GPC5: variants seen among roughly 807,000 people sequenced by gnomAD.
GPC5 encodes glypican 5, also known as glypican-5.
Under a neutral mutation model 53.9 loss-of-function variants are expected in GPC5, and 47 were observed. That is an observed-to-expected ratio of 0.87 (90% CI 0.69 to 1.11). GPC5 has a LOEUF of 1.11. Among genes scored for constraint, GPC5 ranks in the 50% most tolerant of loss-of-function variants. GPC5 has a pLI of 0.00. For missense variants in GPC5, 748 were observed against 713.1 expected (o/e 1.05, Z -0.56); for synonymous variants, 286 against 263.3 (o/e 1.09, Z -0.84).
At chr13:92,351,508 G>C (rs916636055) in intron 7 of GPC5, among the ~76,000 whole-genome samples, 1 of 151,658 alleles carries the variant, frequency 6.6e-6, no homozygotes, top group Non-Finnish European at 1.5e-5. Context: ...CCCTACCTCA[G>C]GCAATACCAA....
intron 7 of GPC5, among the ~76,000 whole-genome samples, chr13:92,277,339 T>C (rs2042883224): frequency 1.3e-5 from 2 of 152,026 alleles, no homozygotes; most frequent in Admixed American, 1.3e-4. Flanking sequence ...GGCCATATTC[T>C]TCGTTTTATG....
intron 7 of GPC5, among the ~76,000 whole-genome samples, chr13:92,526,599 G>A (rs1392616943): frequency 6.6e-6 from 1 of 151,904 alleles, no homozygotes; most frequent in Non-Finnish European, 1.5e-5. Context: ...TTTTAAAGAA[G>A]AAATGCAGAT....
In GPC5 at chr13:92,110,167, C is replaced by T. The variant is rs1024800186; in HGVS notation, c.1402-34663C>T. On this transcript the variant is annotated intron_variant, in intron 6 of 7. Transcript: ENST00000377067. ...ATGAGATTTGAAGAATAGGGAAAAA[C>T]ACAGGATTGGCTCTATCTTACATTC... is the stretch of plus-strand genomic sequence containing the variant. Among the ~76,000 whole-genome samples, 4 of 152,092 alleles carry T rather than the reference C, an allele frequency of 2.6e-5. No individual in the cohort carries two copies. In the South Asian group the frequency reaches 8.3e-4, roughly 32 times the overall value.
chr13:92,496,791 A>T (rs1879996570), intron 7 of GPC5, among the ~76,000 whole-genome samples: 1 of 152,188 alleles, frequency 6.6e-6, no homozygotes, highest in Non-Finnish European at 1.5e-5. Context: ...CATGCATTCT[A>T]GAGAAGAGGC....
chr13:92,121,437 C>T (rs1244089924), intron 6 of GPC5, among the ~76,000 whole-genome samples: 3 of 152,136 alleles, frequency 2.0e-5, no homozygotes, highest in Admixed American at 6.5e-5. Flanking sequence ...TATGTCTCAC[C>T]GAGCCTCTTC....
At chr13:92,743,191 A>C (rs944040155) in intron 7 of GPC5, among the ~76,000 whole-genome samples, 4 of 151,868 alleles carry the variant, frequency 2.6e-5, no homozygotes, top group Non-Finnish European at 4.4e-5. Flanking sequence ...GGCCATTTTC[A>C]CGATATTGAT....
intron 7 of GPC5, among the ~76,000 whole-genome samples, chr13:92,224,042 C>A (rs1168492728): frequency 6.6e-6 from 1 of 151,828 alleles, no homozygotes; most frequent in East Asian, 1.9e-4. Flanking sequence ...CCTGTTTTAA[C>A]AACACTATAA....
chr13:91,427,577 G>A (rs533451218), intron 1 of GPC5, among the ~76,000 whole-genome samples: 1 of 152,150 alleles, frequency 6.6e-6, no homozygotes, highest in Non-Finnish European at 1.5e-5. Context: ...ACTTGTTTTT[G>A]ATTTTACAGG....
chr13:92,683,179 G>C (rs572649943), intron 7 of GPC5, among the ~76,000 whole-genome samples: 2 of 152,036 alleles, frequency 1.3e-5, no homozygotes, highest in Non-Finnish European at 2.9e-5. Context: ...AGGACAAAAG[G>C]ACAAGCATCA....
chr13:92,389,633 G>T (rs1874904168), intron 7 of GPC5, among the ~76,000 whole-genome samples: 1 of 152,016 alleles, frequency 6.6e-6, no homozygotes, highest in Admixed American at 6.6e-5. Flanking sequence ...TACACATTCA[G>T]AGTTCCACAC....
chr13:92,198,328 AAG>A (rs2139056703), intron 7 of GPC5, among the ~76,000 whole-genome samples: 1 of 152,288 alleles, frequency 6.6e-6, no homozygotes, highest in Admixed American at 6.5e-5. Context: ...GCCTGTTACT[AAG>A]AGATGTCCAA....
At chr13:92,418,756 T>C (rs948330395) in intron 7 of GPC5, among the ~76,000 whole-genome samples, 1 of 152,184 alleles carries the variant, frequency 6.6e-6, no homozygotes, top group Admixed American at 6.5e-5. Flanking sequence ...AAATTAAGCT[T>C]TTAATTACTT....
At chr13:91,926,276 A>C (rs986581198) in intron 6 of GPC5, among the ~76,000 whole-genome samples, 3 of 149,772 alleles carry the variant, frequency 2.0e-5, no homozygotes, top group Non-Finnish European at 4.4e-5. Context: ...CAGGAGAATC[A>C]CTTGAACCTG....
intron 7 of GPC5, among the ~76,000 whole-genome samples, chr13:92,259,887 C>T (rs1028068856): frequency 6.6e-6 from 1 of 152,114 alleles, no homozygotes; most frequent in Non-Finnish European, 1.5e-5. Flanking sequence ...CTAAGTGGCC[C>T]ATTTGGGAAG....
chr13:91,722,262 A>G (rs1296009646), intron 3 of GPC5, among the ~76,000 whole-genome samples: 1 of 152,192 alleles, frequency 6.6e-6, no homozygotes, highest in African/African-American at 2.4e-5. Flanking sequence ...TTAGTCTACA[A>G]TTATGGGTTG....
chr13:91,592,215 T>C (rs1566535179), intron 2 of GPC5, among the ~76,000 whole-genome samples: 1 of 152,144 alleles, frequency 6.6e-6, no homozygotes, highest in Non-Finnish European at 1.5e-5. Flanking sequence ...ATATTTTTGG[T>C]ATTATAGTTT....
chr13:91,819,844 A>G (rs1232330334), intron 5 of GPC5, among the ~76,000 whole-genome samples: 2 of 152,202 alleles, frequency 1.3e-5, no homozygotes, highest in Non-Finnish European at 2.9e-5. Flanking sequence ...ATATGGTTGT[A>G]TCAATTTATA....
Position 92,538,167 on chromosome 13 carries a change from T to G in GPC5, c.1562-328115T>G, listed in dbSNP as rs552536780. On this transcript the variant is annotated intron_variant, in intron 7 of 7. Coordinates refer to ENST00000377067, the MANE Select transcript of GPC5 (RefSeq NM_004466.6). Reference sequence around the variant, plus strand: ...TTGAAATTTTCCAAACTAGTCTGTTTAGAGTAACCACATTTTGCGTATGTA... The same window carrying G: ...TTGAAATTTTCCAAACTAGTCTGTTGAGAGTAACCACATTTTGCGTATGTA... 3.3e-5 allele frequency among the ~76,000 whole-genome samples: 5 copies of G among 152,240 alleles called. 1 individual carries two copies. The South Asian group carries it at 6.2e-4, about 19-fold the overall frequency.
chr13:91,430,350 A>G (rs1176196409), intron 1 of GPC5, among the ~76,000 whole-genome samples: 1 of 152,214 alleles, frequency 6.6e-6, no homozygotes, highest in Non-Finnish European at 1.5e-5. Flanking sequence ...GACAAATCCT[A>G]GTTGGCTTAA....
Sources: gnomAD v4.1 joint callset for allele counts (sites outside exome capture counted in the v4.1 genomes callset) on GRCh38, gnomAD v4.1.1 for gene constraint, MANE v1.5 for transcripts, NCBI Gene and HGNC (gene_info 2026-07-23, HGNC 2026-07-21) for gene names.